Variants in TTC28 observed in about 807,000 individuals in gnomAD.
TTC28 encodes the protein tetratricopeptide repeat domain 28.
A neutral mutation model predicts 198.0 loss-of-function variants in TTC28; 61 were observed. The ratio of observed to expected loss-of-function variants is 0.31; its 90% CI spans 0.25 to 0.38. The LOEUF (loss-of-function observed/expected upper bound fraction) is 0.38, where lower values mean the gene tolerates loss of function less well. TTC28 is among the 10% of genes least tolerant of loss of function. The pLI, the probability that TTC28 is intolerant of heterozygous loss-of-function variation, is 1.00. For missense variants in TTC28, 2,678 were observed against 3,164.0 expected, an observed-to-expected ratio of 0.85 and a Z score of 3.69; for synonymous variants, 1,171 against 1,297.8, an observed-to-expected ratio of 0.90 and a Z score of 2.10.
At chr22:28,292,650 C>T (rs1409446878) in intron 5 of TTC28, among the ~76,000 whole-genome samples, 2 of 152,310 alleles carry the variant, frequency 1.3e-5, no homozygotes, top group South Asian at 2.1e-4. Context: ...GATATGCTAA[C>T]CAGAGTTTAG....
intron 2 of TTC28, among the ~76,000 whole-genome samples, chr22:28,510,891 G>A (rs1335306079): frequency 6.6e-6 from 1 of 151,818 alleles, no homozygotes; most frequent in African/African-American, 2.4e-5. Flanking sequence ...AATCATGAAT[G>A]AACCCCCATT....
chr22:28,557,089 C>A (rs746796062), intron 2 of TTC28, among the ~76,000 whole-genome samples: 2 of 152,168 alleles, frequency 1.3e-5, no homozygotes, highest in Non-Finnish European at 2.9e-5. Flanking sequence ...AAGAATCATT[C>A]GGGATCATCT....
At chr22:28,616,752 C>A (rs1409999151) in intron 2 of TTC28, among the ~76,000 whole-genome samples, 2 of 151,612 alleles carry the variant, frequency 1.3e-5, no homozygotes. Context: ...GAGTCTGAGG[C>A]AGAAGGATCA....
At chr22:28,087,527 T>C (rs1437728746) in intron 12 of TTC28, among the ~76,000 whole-genome samples, 1 of 152,166 alleles carries the variant, frequency 6.6e-6, no homozygotes, top group East Asian at 1.9e-4. Flanking sequence ...TAATAAGAGC[T>C]ATTTATGACA....
At chr22:28,425,523 G>A (rs573587169) in intron 2 of TTC28, among the ~76,000 whole-genome samples, 9 of 152,190 alleles carry the variant, frequency 5.9e-5, no homozygotes, top group Non-Finnish European at 1.3e-4. Flanking sequence ...CAGGGATAGA[G>A]TCTTACTCAT....
chr22:28,069,235 C>T (rs1940870968), intron 12 of TTC28, among the ~76,000 whole-genome samples: 1 of 152,138 alleles, frequency 6.6e-6, no homozygotes, highest in Non-Finnish European at 1.5e-5. Flanking sequence ...TTTTTTAAGG[C>T]CGACGTTTGT....
intron 2 of TTC28, among the ~76,000 whole-genome samples, chr22:28,544,436 T>C (rs529080006): frequency 1.7e-3 from 255 of 152,320 alleles, no homozygotes; most frequent in Non-Finnish European, 2.5e-3. Context: ...AAACTAAGAC[T>C]AGAATGAAAC....
intron 12 of TTC28, chr22:28,056,326 T>C (rs1273906688): frequency 6.6e-6 from 1 of 152,418 alleles, no homozygotes; most frequent in Non-Finnish European, 1.5e-5. Context: ...GAGATCACCA[T>C]ATTGATGCTG....
intron 2 of TTC28, among the ~76,000 whole-genome samples, chr22:28,602,803 T>C (rs1168596482): frequency 6.6e-6 from 1 of 152,086 alleles, no homozygotes; most frequent in East Asian, 1.9e-4. Flanking sequence ...AGGTAAAAAA[T>C]AAATGACATG....
intron 2 of TTC28, among the ~76,000 whole-genome samples, chr22:28,332,593 A>G (rs2045634132): frequency 1.3e-5 from 2 of 152,130 alleles, no homozygotes; most frequent in Non-Finnish European, 2.9e-5. Context: ...TTCAGTGTAC[A>G]CACATGGTGA....
In TTC28 at chr22:28,163,564, C is replaced by A. The variant is rs1374805286; in HGVS notation, c.969G>T (p.Val323=). The A allele has an allele frequency of 4.5e-6, 7 of 1,550,282 alleles. No homozygotes were observed. The African/African-American group carries it at 9.6e-5, about 21-fold the overall frequency. Residue 323 remains valine, a synonymous_variant, in exon 6 of 23, where the codon GTG becomes GTT. Coordinates refer to ENST00000397906, the MANE Select transcript of TTC28 (RefSeq NM_001145418.2). ...ASSALSSLGH[V]YTAIGDYPNA... is the part of the protein sequence containing the mutation. The stretch of plus-strand genomic sequence containing the variant: ...TGGGGTAGTCTCCAATGGCTGTGTA[C>A]ACGTGGCCCAGACTGCTCAAGGCTG...
intron 6 of TTC28, among the ~76,000 whole-genome samples, chr22:28,141,111 T>A (rs1424570894): frequency 6.6e-6 from 1 of 152,158 alleles, no homozygotes; most frequent in Non-Finnish European, 1.5e-5. Flanking sequence ...GAACCCAAAT[T>A]TGGCTCACTC....
At chr22:28,006,209 C>T (rs1445599527) in intron 14 of TTC28, among the ~76,000 whole-genome samples, 4 of 152,122 alleles carry the variant, frequency 2.6e-5, no homozygotes, top group Admixed American at 1.3e-4. Flanking sequence ...GGGGTAGGAG[C>T]TCTGCACACT....
At chr22:28,323,363 C>A (rs1055969615) in intron 2 of TTC28, among the ~76,000 whole-genome samples, 1 of 151,980 alleles carries the variant, frequency 6.6e-6, no homozygotes, top group Non-Finnish European at 1.5e-5. Flanking sequence ...AGAACCTCAA[C>A]GGAATTCAAG....
intron 6 of TTC28, among the ~76,000 whole-genome samples, chr22:28,142,005 T>C (rs980584177): frequency 6.6e-6 from 1 of 152,226 alleles, no homozygotes; most frequent in African/African-American, 2.4e-5. Context: ...TTTCTGAAAC[T>C]GATGGAAGAC....
chr22:28,529,269 T>C (rs147070555), intron 2 of TTC28, among the ~76,000 whole-genome samples: 153 of 152,258 alleles, frequency 1.0e-3, no homozygotes, highest in African/African-American at 3.6e-3. Flanking sequence ...ATCCCATGCA[T>C]GACTCAGATG....
chr22:28,024,182 T>A (rs1264031829), intron 13 of TTC28, among the ~76,000 whole-genome samples: 2 of 152,084 alleles, frequency 1.3e-5, no homozygotes, highest in African/African-American at 4.8e-5. Context: ...AGGTGACAAA[T>A]GCAAGGTGCA....
intron 6 of TTC28, among the ~76,000 whole-genome samples, chr22:28,120,139 T>C (rs1287254140): frequency 6.6e-6 from 1 of 152,130 alleles, no homozygotes; most frequent in Non-Finnish European, 1.5e-5. Flanking sequence ...AATTCTCTTT[T>C]GGTGATCTCA....
intron 2 of TTC28, among the ~76,000 whole-genome samples, chr22:28,546,998 G>A (rs942044220): frequency 6.6e-6 from 1 of 152,112 alleles, no homozygotes; most frequent in African/African-American, 2.4e-5. Flanking sequence ...GACTAGAAAA[G>A]GGCAAAGGGA....
Sources: allele counts gnomAD v4.1 joint callset (sites outside exome capture counted in the v4.1 genomes callset), GRCh38; gene constraint gnomAD v4.1.1; transcripts MANE v1.5; gene names NCBI Gene and HGNC (gene_info 2026-07-23, HGNC 2026-07-21).